Variants in MPDZ observed in about 807,000 individuals in gnomAD.
The protein encoded by MPDZ is multiple PDZ domain protein.
In MPDZ, 234 loss-of-function variants were observed where a neutral mutation model predicts 239.1. That is an observed-to-expected ratio of 0.98 (90% CI 0.88 to 1.09). The LOEUF is 1.09. Ranked by LOEUF, MPDZ falls within the 50% of genes least tolerant of loss-of-function variation. The pLI is 0.00. For synonymous variants in MPDZ, 1,048 were observed against 881.3 expected (o/e 1.19, Z -3.35); for missense variants, 3,175 against 2,510.0 (o/e 1.26, Z -5.66).
chr9:13,279,307 A>T (rs1461811338), intron 1 of MPDZ, 93 bp downstream of exon 1: 1 of 91,624 alleles, frequency 1.1e-5, no homozygotes, highest in Admixed American at 1.0e-4. Flanking sequence ...CCAAGCGCCG[A>T]GCCCAGGGCG....
chr9:13,169,777 T>C (rs546933500), intron 21 of MPDZ, among the ~76,000 whole-genome samples: 1 of 152,306 alleles, frequency 6.6e-6, no homozygotes, highest in South Asian at 2.1e-4. Flanking sequence ...ACACTGGCCT[T>C]TGCAGTGTGC....
intron 40 of MPDZ, among the ~76,000 whole-genome samples, chr9:13,114,533 G>C (rs1330130395): frequency 1.3e-5 from 2 of 152,166 alleles, no homozygotes; most frequent in Non-Finnish European, 2.9e-5. Flanking sequence ...ACATGGTGCT[G>C]AGTATCTATA....
intron 3 of MPDZ, among the ~76,000 whole-genome samples, chr9:13,228,018 C>A (rs1961168528): frequency 6.6e-6 from 1 of 151,988 alleles, no homozygotes; most frequent in African/African-American, 2.4e-5. Flanking sequence ...ATCTTATTTG[C>A]CTTGATAGGT....
At chr9:13,169,344 T>C (rs1951492037) in intron 21 of MPDZ, among the ~76,000 whole-genome samples, 1 of 152,076 alleles carries the variant, frequency 6.6e-6, no homozygotes, top group Non-Finnish European at 1.5e-5. Context: ...TTTCTCCATT[T>C]TTCTTCCCTT....
At chr9:13,264,828 G>C (rs1302467061) in intron 1 of MPDZ, among the ~76,000 whole-genome samples, 2 of 152,174 alleles carry the variant, frequency 1.3e-5, no homozygotes, top group Non-Finnish European at 2.9e-5. Context: ...CATGGTGACT[G>C]AGGGGAAAGA....
At chr9:13,141,597 T>G (rs550942235) in intron 27 of MPDZ, among the ~76,000 whole-genome samples, 1 of 152,202 alleles carries the variant, frequency 6.6e-6, no homozygotes, top group African/African-American at 2.4e-5. Context: ...AAAAATATTA[T>G]GATTTTTTTT....
chr9:13,155,233 T>C lies in MPDZ; in HGVS notation c.3452+2785A>G, dbSNP rs572022356. On this transcript the variant is annotated intron_variant, in intron 24 of 46. Transcript: ENST00000319217. ...CTCTGTCTCAGAAAAATAATAATAA[T>C]AATTGGTATAGCAACCTTAAAAAGC... Among the ~76,000 whole-genome samples the C allele has an allele frequency of 5.9e-5, 9 of 152,070 alleles. No individual in the cohort carries two copies. In the South Asian group the frequency reaches 1.5e-3, roughly 25 times the overall value.
At chr9:13,228,907 C>T (rs1043507331) in intron 3 of MPDZ, among the ~76,000 whole-genome samples, 2 of 151,992 alleles carry the variant, frequency 1.3e-5, no homozygotes, top group African/African-American at 4.8e-5. Flanking sequence ...TTGAGAAATG[C>T]ACATTTAGCT....
intron 26 of MPDZ, among the ~76,000 whole-genome samples, chr9:13,146,520 A>G (rs898283307): frequency 6.6e-5 from 10 of 152,034 alleles, no homozygotes; most frequent in African/African-American, 2.4e-4. Flanking sequence ...CTTCCCTCAC[A>G]TATGTTGATA....
chr9:13,212,437 AAG>A (rs1957732943), intron 10 of MPDZ, among the ~76,000 whole-genome samples: 1 of 152,094 alleles, frequency 6.6e-6, no homozygotes, highest in Non-Finnish European at 1.5e-5. Context: ...AAGAGTAAAG[AAG>A]TGAGTAATAA....
At chr9:13,138,506 C>G (rs1587134573) in intron 28 of MPDZ, among the ~76,000 whole-genome samples, 1 of 152,132 alleles carries the variant, frequency 6.6e-6, no homozygotes, top group Admixed American at 6.5e-5. Context: ...ACTAAGGCAT[C>G]CAGAATATCT....
At chr9:13,235,920 G>A (rs1588016115) in intron 3 of MPDZ, among the ~76,000 whole-genome samples, 1 of 151,904 alleles carries the variant, frequency 6.6e-6, no homozygotes, top group East Asian at 1.9e-4. Context: ...AGGTGTACCT[G>A]GATGATCAAT....
In MPDZ at chr9:13,175,789, T is replaced by C. The variant is rs751700764; in HGVS notation, c.3018A>G (p.Glu1006=). 1.3e-6 allele frequency: 2 copies of C among 1,573,844 alleles called. No individual in the cohort carries two copies. The highest frequency in any genetic ancestry group is 8.6e-7 in the Non-Finnish European group (1 of 1,158,226). Residue 1006 remains glutamate (E), a synonymous_variant, in exon 21 of 47, where the codon GAA becomes GAG. Transcript: ENST00000319217. ...MLQNVSKESF[E]RTINIAKGNS... ...TGCCTTTTGCTATATTAATAGTCCT[T>C]TCAAAAGATTCTTTAGATACATTTT... is the stretch of plus-strand genomic sequence containing the variant.
intron 2 of MPDZ, 134 bp downstream of exon 2, chr9:13,250,166 G>T: frequency 1.4e-6 from 1 of 694,000 alleles, no homozygotes; most frequent in Non-Finnish European, 2.4e-6. Context: ...TTAATACAAT[G>T]CTAGTAGGTA....
intron 17 of MPDZ, among the ~76,000 whole-genome samples, 191 bp downstream of exon 17, chr9:13,188,593 C>T (rs1461802828): frequency 1.3e-5 from 2 of 152,006 alleles, no homozygotes; most frequent in East Asian, 1.9e-4. Context: ...AACTTCCTGG[C>T]TATTTTCTTT....
chr9:13,153,126 T>C (rs146541683), intron 24 of MPDZ, among the ~76,000 whole-genome samples: 2 of 151,972 alleles, frequency 1.3e-5, no homozygotes, highest in Non-Finnish European at 2.9e-5. Context: ...AAGGTTGAAG[T>C]AAGGAATCCT....
chr9:13,214,727 C>T (rs1308920421), intron 10 of MPDZ, among the ~76,000 whole-genome samples: 2 of 152,036 alleles, frequency 1.3e-5, no homozygotes, highest in African/African-American at 2.4e-5. Context: ...CTGTCTTTCA[C>T]TTTCCCTCAA....
intron 23 of MPDZ, among the ~76,000 whole-genome samples, chr9:13,162,213 G>C (rs1950568191): frequency 6.6e-6 from 1 of 151,174 alleles, no homozygotes; most frequent in Non-Finnish European, 1.5e-5. Flanking sequence ...GCAGTTAACT[G>C]TAATGGCACC....
Position 13,222,298 on chromosome 9 carries a change from G to T in MPDZ, c.682C>A (p.Leu228Ile), listed in dbSNP as rs1194562318. Residue 228 changes from leucine to isoleucine, a missense_variant, in exon 6 of 47, where the codon CTT (leucine) becomes ATT (isoleucine). By Grantham distance (5) the Leu-to-Ile change is conservative. Transcript: ENST00000319217. ...GAACGGGAAACTATGGGGCTGACAA[G>T]CTGAGGCAATGAGCCTCTGGCAATA... The part of the protein sequence containing the change: ...LVIARGSLPQ[L>I]VSPIVSRSPS... The T allele has an allele frequency of 6.2e-7, 1 of 1,612,836 alleles. No homozygotes were observed. The highest frequency in any genetic ancestry group is 1.3e-5 in the African/African-American group (1 of 74,858).
Sources: gnomAD v4.1 joint callset for allele counts (sites outside exome capture counted in the v4.1 genomes callset) on GRCh38, gnomAD v4.1.1 for gene constraint, MANE v1.5 for transcripts, NCBI Gene and HGNC (gene_info 2026-07-23, HGNC 2026-07-21) for gene names.